The following MCM9 variants were observed in gnomAD, a reference collection of about 807,000 sequenced individuals.
MCM9 encodes the protein DNA helicase MCM9.
A neutral mutation model predicts 72.8 loss-of-function variants in MCM9; 55 were observed. The observed-to-expected ratio is 0.76, with a 90% confidence interval of 0.61 to 0.95. The LOEUF is 0.95. Ranked by LOEUF, MCM9 falls within the 40% of genes least tolerant of loss-of-function variation. The pLI, the probability that MCM9 is intolerant of heterozygous loss-of-function variation, is 0.00. For synonymous variants in MCM9, 480 were observed against 503.4 expected, an observed-to-expected ratio of 0.95 and a Z score of 0.62; for missense variants, 1,279 against 1,377.0, an observed-to-expected ratio of 0.93 and a Z score of 1.13.
At chr6:118,819,784 G>A (rs367982172) in intron 13 of MCM9, among the ~76,000 whole-genome samples, 20 of 152,246 alleles carry the variant, frequency 1.3e-4, no homozygotes, top group South Asian at 6.2e-4. Flanking sequence ...ATTAATTACT[G>A]CCTCACTTTC....
intron 5 of MCM9, chr6:118,920,927 T>C (rs1781376709): frequency 6.6e-6 from 1 of 152,230 alleles, no homozygotes; most frequent in African/African-American, 2.4e-5. Context: ...TACTTTTAAG[T>C]TTGATTTCTT....
At chr6:118,855,929 A>T (rs1776525698) in intron 9 of MCM9, among the ~76,000 whole-genome samples, 1 of 152,156 alleles carries the variant, frequency 6.6e-6, no homozygotes, top group Admixed American at 6.5e-5. Context: ...ATTATTTACT[A>T]TTTAGTATTC....
chr6:118,863,188 TTTAA>T (rs1215166987), intron 8 of MCM9, among the ~76,000 whole-genome samples: 1 of 152,200 alleles, frequency 6.6e-6, no homozygotes, highest in Admixed American at 6.5e-5. Context: ...TATATACATG[TTTAA>T]TTATGCTTAT....
rs1193525919 is a variant in MCM9 at position 118,903,852 on chromosome 6, G to GTAATC, written c.1150+7797_1150+7798insGATTA. Among the ~76,000 whole-genome samples, 43 of 152,232 alleles carry GTAATC rather than the reference G, an allele frequency of 2.8e-4. 1 individual carries two copies. Among genetic ancestry groups the GTAATC allele is most frequent in the African/African-American group, 9.9e-4 (41 of 41,542 alleles). On this transcript the variant is annotated intron_variant, in intron 8 of 13. Coordinates refer to ENST00000619706, the MANE Select transcript of MCM9 (RefSeq NM_017696.3). Reference sequence around the variant, plus strand: ...TCCACCCACCTTAGCCTCCCAAAGTGCTAGGATTACAGGCGTGAGCCACCG... The same window carrying GTAATC: ...TCCACCCACCTTAGCCTCCCAAAGTGTAATCCTAGGATTACAGGCGTGAGCCACCG...
At chr6:118,898,566 A>G (rs780866299) in intron 8 of MCM9, among the ~76,000 whole-genome samples, 6 of 151,926 alleles carry the variant, frequency 3.9e-5, no homozygotes, top group African/African-American at 1.2e-4. Context: ...CTGGGACCAC[A>G]GGCATGTGCC....
intron 9 of MCM9, among the ~76,000 whole-genome samples, chr6:118,833,125 G>C (rs1230779924): frequency 1.3e-5 from 2 of 152,134 alleles, no homozygotes; most frequent in African/African-American, 4.8e-5. Flanking sequence ...GAAGGAGCTT[G>C]GGCCCGGAAT....
At chr6:118,875,658 A>AAATAAT (rs369537070) in intron 8 of MCM9, among the ~76,000 whole-genome samples, 1 of 149,402 alleles carries the variant, frequency 6.7e-6, no homozygotes, top group Admixed American at 6.7e-5. Context: ...ATAATAATTA[A>AAATAAT]AATAATAATA....
intron 9 of MCM9, among the ~76,000 whole-genome samples, chr6:118,836,216 C>G (rs1774947456): frequency 6.6e-6 from 1 of 152,118 alleles, no homozygotes; most frequent in African/African-American, 2.4e-5. Context: ...TCGTGGTGGA[C>G]AGGCTTTTTG....
intron 8 of MCM9, among the ~76,000 whole-genome samples, chr6:118,882,623 G>A (rs1042991617): frequency 2.0e-5 from 3 of 152,166 alleles, no homozygotes; most frequent in Non-Finnish European, 2.9e-5. Context: ...CCTACCAGCC[G>A]AGTATGATAC....
At chr6:118,832,025 G>A (rs1774595844) in intron 9 of MCM9, among the ~76,000 whole-genome samples, 2 of 152,082 alleles carry the variant, frequency 1.3e-5, no homozygotes, top group Non-Finnish European at 2.9e-5. Flanking sequence ...CCAGACTGCC[G>A]ATTCTGCCTG....
At chr6:118,866,905 CAG>C (rs1777251015) in intron 8 of MCM9, among the ~76,000 whole-genome samples, 1 of 152,100 alleles carries the variant, frequency 6.6e-6, no homozygotes, top group Non-Finnish European at 1.5e-5. Flanking sequence ...AGTTAAAACA[CAG>C]AGTGTTGAAA....
intron 9 of MCM9, among the ~76,000 whole-genome samples, chr6:118,840,082 G>T (rs1252845603): frequency 6.6e-6 from 1 of 152,158 alleles, no homozygotes; most frequent in East Asian, 1.9e-4. Flanking sequence ...ATAAGCCCCT[G>T]ACTGGGGCTG....
chr6:118,864,449 C>T (rs140012249), intron 8 of MCM9, among the ~76,000 whole-genome samples: 3,567 of 152,110 alleles, frequency 0.023, 161 homozygotes, highest in African/African-American at 0.082. Flanking sequence ...GAACAGGAAG[C>T]TCCTGACTCT....
chr6:118,871,537 GT>G (rs1486420253), intron 8 of MCM9, among the ~76,000 whole-genome samples: 2 of 152,200 alleles, frequency 1.3e-5, no homozygotes, highest in Non-Finnish European at 2.9e-5. Flanking sequence ...ATGGTGAAAA[GT>G]TGAAGGCTTT....
At chr6:118,893,922 T>TCCCGCCGCAGCCACTCCTC in intron 8 of MCM9, 1 of 721,538 alleles carries the variant, frequency 1.4e-6, no homozygotes, top group Non-Finnish European at 1.7e-6. Flanking sequence ...GATCGCGCCC[T>TCCCGCCGCAGCCACTCCTC]CCCGCCGCAG....
chr6:118,897,054 G>T (rs890848552), intron 8 of MCM9, among the ~76,000 whole-genome samples: 2 of 152,030 alleles, frequency 1.3e-5, no homozygotes, highest in Admixed American at 6.6e-5. Flanking sequence ...GCCCAAGCTG[G>T]TCTCGAACCC....
At chr6:118,858,951 A>T (rs1008449386) in intron 8 of MCM9, among the ~76,000 whole-genome samples, 6 of 152,226 alleles carry the variant, frequency 3.9e-5, no homozygotes, top group African/African-American at 1.4e-4. Flanking sequence ...TGATTTATAT[A>T]GAGAAGCAAA....
chr6:118,930,330 T>A (rs1782307053), intron 3 of MCM9, among the ~76,000 whole-genome samples: 1 of 152,112 alleles, frequency 6.6e-6, no homozygotes, highest in Non-Finnish European at 1.5e-5. Context: ...GCCAGGATGG[T>A]CTCGATTTCC....
intron 13 of MCM9, among the ~76,000 whole-genome samples, chr6:118,825,835 A>T (rs993524249): frequency 1.3e-5 from 2 of 152,134 alleles, no homozygotes; most frequent in African/African-American, 4.8e-5. Flanking sequence ...CTGAGTTGTT[A>T]TCTCAGCCAA....
Sources: allele counts gnomAD v4.1 joint callset (sites outside exome capture counted in the v4.1 genomes callset), GRCh38; gene constraint gnomAD v4.1.1; transcripts MANE v1.5; gene names NCBI Gene and HGNC (gene_info 2026-07-23, HGNC 2026-07-21).